The following BRK1 variants were observed in gnomAD, a reference collection of about 807,000 sequenced individuals.
The protein encoded by BRK1 is protein BRICK1.
A neutral mutation model predicts 9.9 loss-of-function variants in BRK1; 6 were observed. That is an observed-to-expected ratio of 0.60 (90% CI 0.33 to 1.19). The LOEUF is 1.19. BRK1 is among the 50% of genes most tolerant of loss of function. BRK1 has a pLI of 0.04. For missense variants in BRK1, 62 were observed against 97.5 expected, an observed-to-expected ratio of 0.64 and a Z score of 1.53; for synonymous variants, 44 against 31.9, an observed-to-expected ratio of 1.38 and a Z score of -1.28.
intron 1 of BRK1, among the ~76,000 whole-genome samples, chr3:10,117,111 A>T (rs1317914856): frequency 6.6e-6 from 1 of 152,144 alleles, no homozygotes; most frequent in African/African-American, 2.4e-5. Context: ...TTAGTTGGGC[A>T]TGGTCATGCA....
chr3:10,115,929 G>A (rs774756890), intron 1 of BRK1, 110 bp downstream of exon 1: 19 of 824,596 alleles, frequency 2.3e-5, no homozygotes, highest in Non-Finnish European at 3.7e-5. Flanking sequence ...GGCTGTTGCG[G>A]GTTTTCACTT....
At chr3:10,117,649 G>A (rs557777685) in intron 1 of BRK1, among the ~76,000 whole-genome samples, 31 of 151,888 alleles carry the variant, frequency 2.0e-4, no homozygotes, top group African/African-American at 6.5e-4. Flanking sequence ...CACCCGCTTC[G>A]GCCTCCCAAA....
At chr3:10,125,786 C>T (rs770481519) in intron 2 of BRK1, 78 bp downstream of exon 2, 2 of 1,111,418 alleles carry the variant, frequency 1.8e-6, no homozygotes, top group Non-Finnish European at 2.6e-6. Context: ...AAAGCAGAAA[C>T]AGTCTTAGGA....
Position 10,123,732 on chromosome 3 carries a change from C to CTTTTTTT in BRK1, c.119-1879_119-1873dup, listed in dbSNP as rs71626962. 4.1e-4 allele frequency among the ~76,000 whole-genome samples: 20 copies of CTTTTTTT among 48,694 alleles called. 4 individuals carry two copies. The highest frequency in any genetic ancestry group is 2.4e-3 in the African/African-American group (16 of 6,698). 31.9% of individuals were successfully genotyped at this position (48,694 alleles called of 152,430 possible). A position where few individuals can be genotyped will look rare whatever the true frequency, so the allele number is the denominator to read the frequency against. ...ACAGGCCTGAGCCACCGTGCCTGGC[C>CTTTTTTT]TTTTTTTTTTTTTTTTTTTTTGAGA... is the stretch of plus-strand genomic sequence containing the variant. On this transcript the variant is annotated intron_variant, in intron 1 of 2. Coordinates refer to ENST00000530758, the MANE Select transcript of BRK1 (RefSeq NM_018462.5).
At position 10,126,269 on chromosome 3, in the gene BRK1, G is replaced by A; in HGVS notation, c.202G>A (p.Val68Met). 12 of 1,539,256 alleles carry A rather than the reference G, an allele frequency of 7.8e-6. No individual in the cohort carries two copies. The highest frequency in any genetic ancestry group is 9.6e-6 in the Non-Finnish European group (11 of 1,147,964). The change falls in exon 3 of 3, where the codon GTG becomes ATG. Residue 68 changes from valine to methionine, a missense_variant and splice_region_variant. Coordinates refer to ENST00000530758, the MANE Select transcript of BRK1 (RefSeq NM_018462.5). ...ERRIEYIEARVTKGETLT is the reference protein window; with the variant it reads ...ERRIEYIEARMTKGETLT The stretch of plus-strand genomic sequence containing the variant: ...TGTCAGTTTTCCTTTCCTTTCACAG[G>A]TGACAAAAGGTGAGACACTCACCTA...
chr3:10,123,860 C>G (rs186420538), intron 1 of BRK1, among the ~76,000 whole-genome samples: 3 of 150,150 alleles, frequency 2.0e-5, no homozygotes, highest in Non-Finnish European at 4.4e-5. Context: ...CTCAGCCTCC[C>G]GAGTAGCTGG....
intron 1 of BRK1, among the ~76,000 whole-genome samples, chr3:10,124,976 A>G (rs926287756): frequency 2.0e-5 from 3 of 152,112 alleles, no homozygotes; most frequent in African/African-American, 4.8e-5. Flanking sequence ...TTTGTGGACT[A>G]TGATTAGATT....
intron 1 of BRK1, among the ~76,000 whole-genome samples, chr3:10,117,666 G>A (rs955734161): frequency 6.6e-6 from 1 of 151,812 alleles, no homozygotes; most frequent in African/African-American, 2.4e-5. Context: ...CAAAGTGCTG[G>A]GATTACAGGC....
intron 1 of BRK1, among the ~76,000 whole-genome samples, chr3:10,123,821 C>T (rs1386780267): frequency 1.4e-5 from 2 of 147,266 alleles, no homozygotes; most frequent in African/African-American, 2.6e-5. Flanking sequence ...CTGCAACCTC[C>T]GCCTCCCAGG....
chr3:10,122,653 G>C (rs1363232480), intron 1 of BRK1, among the ~76,000 whole-genome samples: 1 of 152,120 alleles, frequency 6.6e-6, no homozygotes, highest in African/African-American at 2.4e-5. Flanking sequence ...CCTAGGAGTT[G>C]GAGGGTGCAG....
chr3:10,125,532 G>A (rs914185820), intron 1 of BRK1, 94 bp from the exon 2 acceptor site: 1 of 740,560 alleles, frequency 1.4e-6, no homozygotes, highest in Admixed American at 2.4e-5. Context: ...TTTGTATTCT[G>A]TGTATTATTC....
chr3:10,125,954 G>A (rs1695833900), intron 2 of BRK1, among the ~76,000 whole-genome samples: 1 of 152,072 alleles, frequency 6.6e-6, no homozygotes, highest in South Asian at 2.1e-4. Flanking sequence ...AGCCAGGCAT[G>A]GTGGCTCACA....
chr3:10,125,996 C>T (rs949728527), intron 2 of BRK1, among the ~76,000 whole-genome samples: 27 of 152,088 alleles, frequency 1.8e-4, no homozygotes, highest in African/African-American at 6.3e-4. Flanking sequence ...GAGGCTGAGG[C>T]AGGAGAATTA....
In BRK1 at chr3:10,122,929, G is replaced by C. The variant is rs374114689; in HGVS notation, c.119-2697G>C. On this transcript the variant is annotated intron_variant, in intron 1 of 2. Coordinates refer to ENST00000530758, the MANE Select transcript of BRK1 (RefSeq NM_018462.5). ...AAGATTTGTCAAAATGGATGCTGAA[G>C]CGCTTTTGCAAAACAGCCAGGGAAT... Among the ~76,000 whole-genome samples the C allele has an allele frequency of 3.3e-5, 5 of 152,278 alleles. No individual in the cohort carries two copies. In the South Asian group the frequency reaches 8.3e-4, roughly 25 times the overall value.
chr3:10,115,969 G>T (rs1009045387), intron 1 of BRK1, 150 bp downstream of exon 1: 5 of 667,294 alleles, frequency 7.5e-6, no homozygotes, highest in African/African-American at 7.1e-5. Context: ...TCTCCCTCCC[G>T]CCCTGACCCT....
chr3:10,116,279 A>G (rs1695683839), intron 1 of BRK1, among the ~76,000 whole-genome samples: 1 of 151,994 alleles, frequency 6.6e-6, no homozygotes, highest in Non-Finnish European at 1.5e-5. Context: ...CGTGCCTTTT[A>G]GTTGGACCCG....
At chr3:10,118,058 A>G (rs755239434) in intron 1 of BRK1, among the ~76,000 whole-genome samples, 47 of 152,104 alleles carry the variant, frequency 3.1e-4, no homozygotes, top group Admixed American at 1.4e-3. Flanking sequence ...GTTTGAGATC[A>G]GCCTGGCTAA....
chr3:10,120,132 C>T (rs1055695803), intron 1 of BRK1, among the ~76,000 whole-genome samples: 3 of 151,700 alleles, frequency 2.0e-5, no homozygotes, highest in East Asian at 1.9e-4. Context: ...CGGGTTCAAG[C>T]GATTCTTCTG....
intron 1 of BRK1, among the ~76,000 whole-genome samples, chr3:10,118,321 G>A (rs1049539626): frequency 9.9e-5 from 15 of 151,812 alleles, no homozygotes; most frequent in East Asian, 1.9e-4. Context: ...CACCGGCTGC[G>A]AAACTGGATA....
Sources: gnomAD v4.1 joint callset for allele counts (sites outside exome capture counted in the v4.1 genomes callset) on GRCh38, gnomAD v4.1.1 for gene constraint, MANE v1.5 for transcripts, NCBI Gene and HGNC (gene_info 2026-07-23, HGNC 2026-07-21) for gene names.